The following ANK3 variants were observed in gnomAD, a reference collection of about 807,000 sequenced individuals.
ANK3 encodes the protein ankyrin-3.
Under a neutral mutation model 370.9 loss-of-function variants are expected in ANK3, and 57 were observed. The ratio of observed to expected loss-of-function variants is 0.15; its 90% confidence interval spans 0.12 to 0.19. The LOEUF (loss-of-function observed/expected upper bound fraction) is 0.19, where lower values mean the gene tolerates loss of function less well. ANK3 is among the 10% of genes least tolerant of loss of function. The pLI is 1.00. For missense variants in ANK3, 4,439 were observed against 5,302.1 expected (o/e 0.84, Z 5.06); for synonymous variants, 1,929 against 1,946.3 (o/e 0.99, Z 0.23).
At chr10:60,108,227 C>G (rs776566690) in intron 27 of ANK3, 1 of 448,098 alleles carries the variant, frequency 2.2e-6, no homozygotes, top group East Asian at 7.3e-5. Flanking sequence ...CTGCAGGATT[C>G]GGCTAACCAA....
At chr10:60,711,680 T>C (rs1256406870) in intron 1 of ANK3, among the ~76,000 whole-genome samples, 1 of 151,860 alleles carries the variant, frequency 6.6e-6, no homozygotes, top group Non-Finnish European at 1.5e-5. Flanking sequence ...TGACCAAAAT[T>C]TTTCAAAATT....
At chr10:60,064,377 A>G in intron 38 of ANK3, 89 bp from the exon 39 acceptor site, 1 of 1,352,514 alleles carries the variant, frequency 7.4e-7, no homozygotes, top group Non-Finnish European at 1.0e-6. Flanking sequence ...CACAAAAAGA[A>G]AAGGGAATTT....
At chr10:60,267,114 T>C (rs78519437) in intron 5 of ANK3, among the ~76,000 whole-genome samples, 7,219 of 152,238 alleles carry the variant, frequency 0.047, 611 homozygotes, top group African/African-American at 0.17. Flanking sequence ...AAAAAATACA[T>C]TTGAAAGAAT....
chr10:60,681,608 T>C (rs2079196011), intron 1 of ANK3, among the ~76,000 whole-genome samples: 2 of 152,162 alleles, frequency 1.3e-5, no homozygotes, highest in African/African-American at 4.8e-5. Flanking sequence ...TGCCTTCCAG[T>C]AGTATCCTAT....
At chr10:60,140,593 C>G in intron 23 of ANK3, 1 of 1,386,166 alleles carries the variant, frequency 7.2e-7, no homozygotes, top group Non-Finnish European at 9.3e-7. Flanking sequence ...AAATTTCAGG[C>G]CCCCAAAAAA....
At chr10:60,549,568 C>T (rs965195383) in intron 2 of ANK3, among the ~76,000 whole-genome samples, 1 of 152,104 alleles carries the variant, frequency 6.6e-6, no homozygotes, top group African/African-American at 2.4e-5. Flanking sequence ...TTTTAACTCA[C>T]TGAAGCACTT....
chr10:60,343,598 T>C (rs1566727051), intron 1 of ANK3, among the ~76,000 whole-genome samples: 1 of 152,158 alleles, frequency 6.6e-6, no homozygotes, highest in Non-Finnish European at 1.5e-5. Context: ...GGACTACCAA[T>C]ATATCTAAAC....
At chr10:60,564,914 AC>A (rs2077422354) in intron 2 of ANK3, among the ~76,000 whole-genome samples, 1 of 152,188 alleles carries the variant, frequency 6.6e-6, no homozygotes, top group African/African-American at 2.4e-5. Context: ...AAGCAAACTC[AC>A]TGCAGTGGAA....
At chr10:60,359,020 T>A (rs775457648) in intron 1 of ANK3, among the ~76,000 whole-genome samples, 2 of 152,172 alleles carry the variant, frequency 1.3e-5, no homozygotes, top group Non-Finnish European at 2.9e-5. Context: ...GCAGTTATCT[T>A]ATTGGCTTAT....
intron 2 of ANK3, among the ~76,000 whole-genome samples, chr10:60,576,745 G>A (rs759688024): frequency 3.3e-5 from 5 of 152,160 alleles, no homozygotes; most frequent in Non-Finnish European, 7.4e-5. Context: ...AAATCCACAG[G>A]CAAATAAGCT....
intron 1 of ANK3, among the ~76,000 whole-genome samples, chr10:60,332,213 G>T (rs2051518591): frequency 6.6e-6 from 1 of 152,134 alleles, no homozygotes; most frequent in Non-Finnish European, 1.5e-5. Context: ...CTTAATTTCT[G>T]ATTCTAAATT....
chr10:60,084,917 A>T, intron 31 of ANK3, 87 bp from the exon 32 acceptor site: 1 of 1,049,510 alleles, frequency 9.5e-7, no homozygotes, highest in Non-Finnish European at 1.3e-6. Flanking sequence ...AAATCAGAAT[A>T]TGTAAAGGAA....
intron 2 of ANK3, among the ~76,000 whole-genome samples, chr10:60,547,088 T>C (rs2076979924): frequency 1.2e-5 from 1 of 80,562 alleles, no homozygotes; most frequent in Non-Finnish European, 2.9e-5. Context: ...TCAATGCAAC[T>C]CTTTTTTTTT....
chr10:60,245,174 C>CA (rs1466424094), intron 7 of ANK3, among the ~76,000 whole-genome samples: 3 of 148,778 alleles, frequency 2.0e-5, no homozygotes, highest in Admixed American at 2.0e-4. Flanking sequence ...GTCTAAAAAA[C>CA]AAAAAACAAA....
intron 2 of ANK3, among the ~76,000 whole-genome samples, chr10:60,603,317 AGACAGCT>A (rs2078089534): frequency 6.6e-6 from 1 of 152,170 alleles, no homozygotes; most frequent in African/African-American, 2.4e-5. Flanking sequence ...CAAATGGTAA[AGACAGCT>A]CATCCTGAAT....
intron 42 of ANK3, chr10:60,051,435 T>A (rs888220001): frequency 1.1e-6 from 1 of 907,222 alleles, no homozygotes; most frequent in Admixed American, 6.2e-5. Context: ...GAGTTTCTAA[T>A]AGTAGAGCAA....
chr10:60,339,682 A>G (rs1454336411), intron 1 of ANK3, among the ~76,000 whole-genome samples: 1 of 152,200 alleles, frequency 6.6e-6, no homozygotes, highest in Non-Finnish European at 1.5e-5. Context: ...ATAAAACCAG[A>G]GTAGCTCTTC....
At chr10:60,591,303 T>TTTTA (rs79060296) in intron 2 of ANK3, among the ~76,000 whole-genome samples, 44,309 of 137,228 alleles carry the variant, frequency 0.32, 7,098 homozygotes, top group African/African-American at 0.35. Flanking sequence ...TTTATTTTTA[T>TTTTA]TTTATTTATT....
At chr10:60,217,236 T>TG (rs1038509985) in intron 8 of ANK3, among the ~76,000 whole-genome samples, 4 of 152,152 alleles carry the variant, frequency 2.6e-5, no homozygotes, top group Non-Finnish European at 5.9e-5. Context: ...ATTGATTTTT[T>TG]GGGGGGTTTT....
Sources: allele counts gnomAD v4.1 joint callset (sites outside exome capture counted in the v4.1 genomes callset), GRCh38; gene constraint gnomAD v4.1.1; transcripts MANE v1.5; gene names NCBI Gene and HGNC (gene_info 2026-07-23, HGNC 2026-07-21).